The following NPHP3 variants were observed in gnomAD, a reference collection of about 807,000 sequenced individuals.
NPHP3 encodes nephrocystin 3, also known as nephrocystin-3.
Under a neutral mutation model 171.9 loss-of-function variants are expected in NPHP3, and 123 were observed. The observed-to-expected ratio is 0.72, with a 90% CI of 0.62 to 0.83. The LOEUF is 0.83. NPHP3 is among the 40% of genes least tolerant of loss of function. The pLI, the probability that NPHP3 is intolerant of heterozygous loss-of-function variation, is 0.00. For missense variants in NPHP3, 1,506 were observed against 1,591.9 expected, an observed-to-expected ratio of 0.95 and a Z score of 0.92; for synonymous variants, 558 against 579.2, an observed-to-expected ratio of 0.96 and a Z score of 0.52.
At chr3:132,711,608 G>C (rs753052417) in intron 6 of NPHP3, among the ~76,000 whole-genome samples, 6 of 151,968 alleles carry the variant, frequency 3.9e-5, no homozygotes, top group Non-Finnish European at 7.4e-5. Flanking sequence ...CTGTCACCCA[G>C]AAAGTTTCTT....
chr3:132,708,355 G>T (rs1939814865), intron 6 of NPHP3, 98 bp from the exon 7 acceptor site: 1 of 1,205,276 alleles, frequency 8.3e-7, no homozygotes, highest in South Asian at 1.2e-5. Flanking sequence ...TTACTACAGT[G>T]ACAAGTGGCC....
intron 6 of NPHP3, 136 bp downstream of exon 6, chr3:132,712,990 G>A: frequency 1.9e-6 from 1 of 529,292 alleles, no homozygotes; most frequent in Non-Finnish European, 3.3e-6. Flanking sequence ...GTGTGAAACA[G>A]TTGTAGAATT....
At position 132,716,793 on chromosome 3, in the gene NPHP3, T is replaced by C. The variant is rs1214358241; in HGVS notation, c.787A>G (p.Ile263Val). ...FRGPEFAHSS[I>V]DVEGPFANVN... ...TTTGCAAAGGGTCCTTCCACATCTATAGAACTATGGGCAAACTCAGGGCCT... is the reference window on the plus strand; with the variant it reads ...TTTGCAAAGGGTCCTTCCACATCTACAGAACTATGGGCAAACTCAGGGCCT... The change falls in exon 4 of 27, where the codon ATA becomes GTA. Residue 263 changes from isoleucine (I) to valine (V), a missense_variant. Around this residue, in one of 3 missense-constraint regions of NPHP3, gnomAD observed 930 missense variants for 924.9 expected, o/e 1.01. Transcript: ENST00000337331. 3 of 1,614,132 alleles carry C rather than the reference T, an allele frequency of 1.9e-6. No homozygotes were observed. Among genetic ancestry groups the C allele is most frequent in the East Asian group, 2.2e-5 (1 of 44,884 alleles).
At chr3:132,718,032 G>C (rs1940104154) in intron 3 of NPHP3, 1 of 445,792 alleles carries the variant, frequency 2.2e-6, no homozygotes, top group African/African-American at 2.1e-5. Flanking sequence ...GGTATTACAG[G>C]CATAAGCCAC....
At position 132,682,132 on chromosome 3, in the gene NPHP3, C is replaced by A. The variant is rs779332895; in HGVS notation, c.3813-42G>T. 4.5e-6 allele frequency: 7 copies of A among 1,546,686 alleles called. No individual in the cohort carries two copies. In the African/African-American group the frequency reaches 8.2e-5, roughly 18 times the overall value. ...AAAAACTCTTAAAATGAGAATATAACCTCTTACCAATTCAAAATGACCTTA... is the reference window on the plus strand; with the variant it reads ...AAAAACTCTTAAAATGAGAATATAAACTCTTACCAATTCAAAATGACCTTA... On this transcript the variant is annotated intron_variant, in intron 26 of 26. Coordinates refer to ENST00000337331, the MANE Select transcript of NPHP3 (RefSeq NM_153240.5).
rs146097715 is a variant in NPHP3, at chr3:132,688,716, C to T, written c.3059G>A (p.Gly1020Asp). 3.0e-5 allele frequency: 48 copies of T among 1,613,962 alleles called. No homozygotes were observed. The highest frequency in any genetic ancestry group is 6.7e-5 in the Admixed American group (4 of 59,996). ...ACGAGCAGTATATGGATGGTCCGCA[C>T]CATAAGCATTTTCTGAGATTTCCAA... is the stretch of plus-strand genomic sequence containing the variant. ...QALEISENAY[G>D]ADHPYTAREL... Residue 1020 changes from glycine (G) to aspartate (D), a missense_variant, in exon 21 of 27, where the codon GGT (glycine) becomes GAT (aspartate). This residue lies in a region of NPHP3 where 569 missense variants were observed against 648.1 expected (regional missense o/e 0.88). Coordinates refer to ENST00000337331, the MANE Select transcript of NPHP3 (RefSeq NM_153240.5).
chr3:132,681,794 A>T lies in NPHP3; in HGVS notation c.*116T>A. The T allele has an allele frequency of 1.2e-6, 1 of 840,788 alleles. No homozygotes were observed. The highest frequency in any genetic ancestry group is 1.7e-5 in the African/African-American group (1 of 59,646). The allele number at this position is 840,788 out of a possible 1,614,324, so 52.1% of individuals were successfully genotyped here. A position where few individuals can be genotyped will look rare whatever the true frequency, so the allele number is the denominator to read the frequency against. ...ATACAACTTCATACAAATAGCAGTT[A>T]AATCACACGTAGTAAAATTTCGTAC... On this transcript the variant is annotated 3_prime_UTR_variant, in exon 27 of 27. Transcript: ENST00000337331.
chr3:132,716,514 A>G (rs887300694), intron 4 of NPHP3, among the ~76,000 whole-genome samples: 2 of 152,222 alleles, frequency 1.3e-5, no homozygotes, highest in East Asian at 1.9e-4. Context: ...AATTCAGACC[A>G]TAACACAGTT....
chr3:132,683,928 T>C (rs1163823121), intron 24 of NPHP3, among the ~76,000 whole-genome samples: 1 of 139,686 alleles, frequency 7.2e-6, no homozygotes, highest in South Asian at 2.2e-4. Flanking sequence ...TGTACCCTTC[T>C]TACTAAAACA....
intron 1 of NPHP3, 96 bp downstream of exon 1, chr3:132,721,867 T>C: frequency 6.9e-7 from 1 of 1,455,828 alleles, no homozygotes; most frequent in African/African-American, 1.4e-5. Flanking sequence ...AATGGGCAGT[T>C]TCCGCCGAAC....
intron 6 of NPHP3, among the ~76,000 whole-genome samples, chr3:132,709,710 G>A (rs71315656): frequency 1.3e-5 from 2 of 152,274 alleles, no homozygotes; most frequent in South Asian, 2.1e-4. Flanking sequence ...TGTATGTGTA[G>A]AAGGGCGATA....
intron 19 of NPHP3, 72 bp downstream of exon 19, chr3:132,690,456 A>G: frequency 6.9e-7 from 1 of 1,454,538 alleles, no homozygotes; most frequent in Admixed American, 1.8e-5. Flanking sequence ...TAAAAATACC[A>G]TTTTTTCTTT....
At chr3:132,710,093 A>T (rs1445502534) in intron 6 of NPHP3, among the ~76,000 whole-genome samples, 1 of 152,216 alleles carries the variant, frequency 6.6e-6, no homozygotes, top group Non-Finnish European at 1.5e-5. Flanking sequence ...ACGAGTCATG[A>T]GGTGATAATT....
chr3:132,683,514 T>C lies in NPHP3; in HGVS notation c.3581A>G (p.Asp1194Gly). Reference protein sequence around the residue: ...AILYKKMGKLDKAVPLYELAV... With the variant: ...AILYKKMGKLGKAVPLYELAV... The stretch of plus-strand genomic sequence containing the variant: ...CAATTCATACAAAGGTACAGCTTTG[T>C]CAAGTTTCCCCTAAAAAACAAGAGT... The change falls in exon 25 of 27, where the codon GAC becomes GGC. Residue 1194 changes from aspartate (D) to glycine (G), a missense_variant. Coordinates refer to ENST00000337331, the MANE Select transcript of NPHP3 (RefSeq NM_153240.5). The C allele has an allele frequency of 6.2e-7, 1 of 1,612,622 alleles. No homozygotes were observed.
intron 5 of NPHP3, among the ~76,000 whole-genome samples, chr3:132,714,635 G>A (rs1940000769): frequency 6.6e-6 from 1 of 152,060 alleles, no homozygotes; most frequent in Admixed American, 6.6e-5. Context: ...AGGACTGAGT[G>A]GGAAGATTGC....
intron 3 of NPHP3, chr3:132,717,997 G>A (rs1027882478): frequency 3.3e-5 from 14 of 419,910 alleles, no homozygotes; most frequent in South Asian, 1.2e-4. Flanking sequence ...CTCGTGATCC[G>A]CCCGCCTTGG....
rs1283634787 is a variant in NPHP3 at position 132,701,299 on chromosome 3, T to A, written c.1628+131A>T. 1.9e-5 allele frequency: 13 copies of A among 671,370 alleles called. No homozygotes were observed. In the East Asian group the frequency reaches 3.7e-4, roughly 19 times the overall value. 41.6% of individuals were successfully genotyped at this position (671,370 alleles called of 1,614,324 possible). ...TATGCATTTCAGGGCATGAACCTAT[T>A]GTTTTATTCCTTTTTACTTTGTTAA... On this transcript the variant is annotated intron_variant, in intron 10 of 26. Transcript: ENST00000337331.
At position 132,719,045 on chromosome 3, in the gene NPHP3, C is replaced by G. The variant is rs1163104189; in HGVS notation, c.619G>C (p.Val207Leu). 1.9e-6 allele frequency: 3 copies of G among 1,613,950 alleles called. No homozygotes were observed. The highest frequency in any genetic ancestry group is 8.5e-7 in the Non-Finnish European group (1 of 1,179,970). ...LQRLQAQGIQ[V>L]FDPGESDSDD... ...GAATCAGACTCCCCAGGATCAAATA[C>G]TTGGATACCCTGAGCCTGTAGCCTC... Residue 207 changes from valine (V) to leucine (L), a missense_variant, in exon 3 of 27, where the codon GTA becomes CTA. By Grantham distance (32) the Val-to-Leu change is conservative. This residue lies in a region of NPHP3 where 930 missense variants were observed against 924.9 expected (regional missense o/e 1.01). Transcript: ENST00000337331.
At chr3:132,682,527 T>G in intron 26 of NPHP3, 176 bp downstream of exon 26, 1 of 615,404 alleles carries the variant, frequency 1.6e-6, no homozygotes, top group Non-Finnish European at 2.9e-6. Context: ...AAATAGATCA[T>G]GCAGGCTTCA....
Sources: allele counts gnomAD v4.1 joint callset (sites outside exome capture counted in the v4.1 genomes callset), GRCh38; gene constraint gnomAD v4.1.1; regional missense constraint gnomAD v4.1.1; transcripts MANE v1.5; gene names NCBI Gene and HGNC (gene_info 2026-07-23, HGNC 2026-07-21).